The following MTPN variants were observed in gnomAD, a reference collection of about 807,000 sequenced individuals.
MTPN encodes myotrophin.
A neutral mutation model predicts 13.5 loss-of-function variants in MTPN; 2 were observed. That is an observed-to-expected ratio of 0.15 (90% CI 0.06 to 0.47). The LOEUF (loss-of-function observed/expected upper bound fraction) is 0.47. Among genes scored for constraint, MTPN ranks in the 20% least tolerant of loss-of-function variants. The pLI, the probability that MTPN is intolerant of heterozygous loss-of-function variation, is 0.97. For missense variants in MTPN, 79 were observed against 137.9 expected (o/e 0.57, Z 2.14); for synonymous variants, 46 against 51.7 (o/e 0.89, Z 0.48).
chr7:135,950,605 C>A lies in MTPN; in HGVS notation c.264G>T (p.Leu88=). The stretch of plus-strand genomic sequence containing the variant: ...TATTAGCAATTGACCTCACCTTTGA[C>A]AGAAGCAATTTCACACAGGAAACAT... ...EGHVSCVKLL[L]SKGADKTVKG... is the part of the protein sequence containing the mutation. Residue 88 remains leucine (L), a synonymous_variant, in exon 3 of 4, where the codon CTG becomes CTT. Transcript: ENST00000393085. 3 of 1,611,758 alleles carry A rather than the reference C, an allele frequency of 1.9e-6. No individual in the cohort carries two copies. The highest frequency in any genetic ancestry group is 2.5e-6 in the Non-Finnish European group (3 of 1,178,022).
intron 3 of MTPN, among the ~76,000 whole-genome samples, chr7:135,937,344 A>C (rs933674160): frequency 6.6e-6 from 1 of 151,676 alleles, no homozygotes; most frequent in African/African-American, 2.4e-5. Context: ...TTCTATATAT[A>C]TATAGATCTC....
chr7:135,964,045 A>G, intron 1 of MTPN, among the ~76,000 whole-genome samples: 1 of 152,200 alleles, frequency 6.6e-6, no homozygotes, highest in South Asian at 2.1e-4. Flanking sequence ...CATTTAAAAC[A>G]TTATAATATG....
chr7:135,934,745 G>A (rs1799086933), intron 3 of MTPN, among the ~76,000 whole-genome samples: 1 of 151,986 alleles, frequency 6.6e-6, no homozygotes, highest in South Asian at 2.1e-4. Flanking sequence ...ACTCATTATG[G>A]TCCTAACTCT....
At chr7:135,972,570 T>C (rs1007727100) in intron 1 of MTPN, among the ~76,000 whole-genome samples, 1 of 152,212 alleles carries the variant, frequency 6.6e-6, no homozygotes, top group Non-Finnish European at 1.5e-5. Flanking sequence ...ATGATTTTAA[T>C]GTGTAAAATT....
At chr7:135,949,285 A>C (rs1799328591) in intron 3 of MTPN, among the ~76,000 whole-genome samples, 2 of 152,174 alleles carry the variant, frequency 1.3e-5, no homozygotes, top group Non-Finnish European at 2.9e-5. Flanking sequence ...CAGGGATGAA[A>C]TTATCTAGCA....
chr7:135,939,988 A>G (rs1028786688), intron 3 of MTPN, among the ~76,000 whole-genome samples: 8 of 152,212 alleles, frequency 5.3e-5, no homozygotes, highest in African/African-American at 1.7e-4. Flanking sequence ...ATTTTTTTAA[A>G]AATACTATCT....
At chr7:135,934,221 A>C (rs148803771) in intron 3 of MTPN, among the ~76,000 whole-genome samples, 1 of 152,162 alleles carries the variant, frequency 6.6e-6, no homozygotes, top group Non-Finnish European at 1.5e-5. Flanking sequence ...AATTGAACTA[A>C]GTTAATTTAT....
chr7:135,950,021 C>T (rs190155940), intron 3 of MTPN, among the ~76,000 whole-genome samples: 115 of 152,172 alleles, frequency 7.6e-4, no homozygotes, highest in African/African-American at 2.6e-3. Context: ...GCTAGAATGG[C>T]GGCAACTAAA....
At chr7:135,958,128 T>C (rs975379839) in intron 1 of MTPN, among the ~76,000 whole-genome samples, 6 of 152,210 alleles carry the variant, frequency 3.9e-5, no homozygotes, top group Admixed American at 6.5e-5. Flanking sequence ...ATTCTTGATA[T>C]ATAATTCCCT....
chr7:135,965,043 T>TAATC (rs1309912818), intron 1 of MTPN, among the ~76,000 whole-genome samples: 4 of 152,098 alleles, frequency 2.6e-5, no homozygotes, highest in Admixed American at 1.3e-4. Flanking sequence ...ATAGTTATGA[T>TAATC]AGAGACTGTG....
intron 1 of MTPN, among the ~76,000 whole-genome samples, chr7:135,957,247 T>G (rs1341191453): frequency 1.3e-5 from 2 of 152,114 alleles, no homozygotes; most frequent in South Asian, 4.1e-4. Context: ...TTCTGGTGAG[T>G]AGTTTAAATT....
intron 3 of MTPN, among the ~76,000 whole-genome samples, chr7:135,936,936 C>A (rs1416302872): frequency 6.6e-6 from 1 of 152,158 alleles, no homozygotes; most frequent in Non-Finnish European, 1.5e-5. Flanking sequence ...GTCAAACATG[C>A]AGAATGTTTA....
chr7:135,977,258 C>A lies in MTPN; in HGVS notation c.-158G>T. 1.4e-6 allele frequency: 1 copy of A among 703,922 alleles called. No homozygotes were observed. Among genetic ancestry groups the A allele is most frequent in the Non-Finnish European group, 2.4e-6 (1 of 408,336 alleles). 43.6% of individuals were successfully genotyped at this position (703,922 alleles called of 1,614,324 possible). On this transcript the variant is annotated 5_prime_UTR_variant, in exon 1 of 4. Coordinates refer to ENST00000393085, the MANE Select transcript of MTPN (RefSeq NM_145808.4). ...GCTGCCAGGCGGGCGAGGCAGTTGG[C>A]CGCGGCGACCGTTCGGGCGGGAGAA...
intron 1 of MTPN, among the ~76,000 whole-genome samples, chr7:135,973,326 A>G (rs2116415732): frequency 6.7e-6 from 1 of 150,336 alleles, no homozygotes; most frequent in East Asian, 2.0e-4. Context: ...TAAAGTAGTA[A>G]GAAGAAAGGA....
At chr7:135,970,594 T>G (rs963459936) in intron 1 of MTPN, among the ~76,000 whole-genome samples, 1 of 152,150 alleles carries the variant, frequency 6.6e-6, no homozygotes, top group African/African-American at 2.4e-5. Context: ...AACAAGCTCA[T>G]AATATTGTTA....
At chr7:135,973,140 T>G (rs1243030706) in intron 1 of MTPN, among the ~76,000 whole-genome samples, 1 of 150,602 alleles carries the variant, frequency 6.6e-6, no homozygotes, top group Non-Finnish European at 1.5e-5. Flanking sequence ...TGAAAAAGAT[T>G]ACATGCTTAT....
intron 1 of MTPN, among the ~76,000 whole-genome samples, chr7:135,966,302 C>T (rs1204630411): frequency 6.6e-6 from 1 of 152,082 alleles, no homozygotes; most frequent in Non-Finnish European, 1.5e-5. Context: ...AGAACACTTA[C>T]CTTAGCCTAC....
intron 1 of MTPN, among the ~76,000 whole-genome samples, chr7:135,969,301 A>AT (rs1799657555): frequency 6.6e-6 from 1 of 151,496 alleles, no homozygotes; most frequent in Non-Finnish European, 1.5e-5. Context: ...ATTAAACAAA[A>AT]TAATATTTAC....
intron 3 of MTPN, among the ~76,000 whole-genome samples, chr7:135,946,395 A>G (rs1317805571): frequency 6.6e-6 from 1 of 152,248 alleles, no homozygotes; most frequent in Non-Finnish European, 1.5e-5. Flanking sequence ...TTAGGGAAGC[A>G]TCATCTTACC....
Sources: allele counts gnomAD v4.1 joint callset (sites outside exome capture counted in the v4.1 genomes callset), GRCh38; gene constraint gnomAD v4.1.1; transcripts MANE v1.5; gene names NCBI Gene and HGNC (gene_info 2026-07-23, HGNC 2026-07-21).